The following KLF17 variants were observed in gnomAD, a reference collection of about 807,000 sequenced individuals.
KLF17 encodes the protein KLF transcription factor 17.
Under a neutral mutation model 34.2 loss-of-function variants are expected in KLF17, and 31 were observed. That is an observed-to-expected ratio of 0.91 (90% CI 0.68 to 1.22). The LOEUF (loss-of-function observed/expected upper bound fraction) is 1.22, where lower values mean the gene tolerates loss of function less well. Ranked by LOEUF, KLF17 falls within the 50% of genes most tolerant of loss-of-function variation. The pLI, the probability that KLF17 is intolerant of heterozygous loss-of-function variation, is 0.00. For missense variants in KLF17, 478 were observed against 505.2 expected, an observed-to-expected ratio of 0.95 and a Z score of 0.52; for synonymous variants, 179 against 186.7, an observed-to-expected ratio of 0.96 and a Z score of 0.34.
intron 3 of KLF17, among the ~76,000 whole-genome samples, chr1:44,131,115 A>T (rs2088104734): frequency 6.6e-6 from 1 of 152,174 alleles, no homozygotes. Context: ...TTTTCTACAC[A>T]GATCCTACCT....
the KLF17 span, chr1:44,105,330 A>T: frequency 2.6e-5 from 4 of 151,832 alleles, no homozygotes; most frequent in Admixed American, 6.6e-5. Flanking sequence ...GGAATGTTTT[A>T]AAAACATTAA....
the KLF17 span, among the ~76,000 whole-genome samples, chr1:44,060,224 CT>C: frequency 1.2e-4 from 19 of 152,112 alleles, no homozygotes; most frequent in Non-Finnish European, 2.4e-4. Flanking sequence ...AATCCCAGCA[CT>C]TTAGGAGGCC....
Position 44,129,511 on chromosome 1 carries a change from G to T in KLF17, c.240G>T (p.Gln80His), listed in dbSNP as rs6656945. The T allele has an allele frequency of 9.9e-3, 15,977 of 1,612,934 alleles. 1,275 individuals are homozygous for T. In the African/African-American group the frequency reaches 0.18, roughly 18 times the overall value. ...SPLVSVEAPG[Q>H]NVNEGGPQFS... The stretch of plus-strand genomic sequence containing the variant: ...TGGTGTCTGTTGAGGCGCCGGGGCA[G>T]AATGTGAATGAAGGGGGGCCACAGT... The change falls in exon 2 of 4, where the codon CAG becomes CAT. Residue 80 changes from glutamine (Q) to histidine (H), a missense_variant. Coordinates refer to ENST00000372299, the MANE Select transcript of KLF17 (RefSeq NM_173484.4).
chr1:44,105,587 C>T, the KLF17 span: 1 of 152,158 alleles, frequency 6.6e-6, no homozygotes, highest in Non-Finnish European at 1.5e-5. Flanking sequence ...TTTCCTTTAT[C>T]ATCTTATTTT....
chr1:44,052,385 C>T, the KLF17 span, among the ~76,000 whole-genome samples: 1 of 152,216 alleles, frequency 6.6e-6, no homozygotes, highest in Admixed American at 6.5e-5. Flanking sequence ...TGGACAGCCA[C>T]CAACAGCAGT....
the KLF17 span, chr1:44,106,566 G>A: frequency 1.3e-5 from 2 of 152,152 alleles, no homozygotes; most frequent in Non-Finnish European, 2.9e-5. Context: ...TCTCCATATA[G>A]AAATTCTTCC....
the KLF17 span, among the ~76,000 whole-genome samples, chr1:44,050,286 A>G: frequency 6.6e-6 from 1 of 152,198 alleles, no homozygotes; most frequent in African/African-American, 2.4e-5. Context: ...AGGAGGCAGG[A>G]CTTGGACTCC....
intron 1 of KLF17, among the ~76,000 whole-genome samples, chr1:44,127,788 C>T (rs1435652453): frequency 1.6e-5 from 2 of 124,244 alleles, no homozygotes; most frequent in Non-Finnish European, 1.8e-5. Flanking sequence ...CTTCTCTTTT[C>T]TTTCTTTTCT....
At chr1:44,107,324 C>T in the KLF17 span, 3 of 152,068 alleles carry the variant, frequency 2.0e-5, no homozygotes, top group African/African-American at 4.8e-5. Flanking sequence ...AGGCTGGTCT[C>T]GAACTCCTGA....
the KLF17 span, chr1:44,061,025 C>G: frequency 1.3e-5 from 2 of 152,360 alleles, no homozygotes; most frequent in African/African-American, 4.8e-5. Flanking sequence ...CAAGCTTCAC[C>G]TGGCTTTTAC....
chr1:44,130,786 C>CT lies in KLF17; in HGVS notation c.*35dup, dbSNP rs759205608. 1.9e-6 allele frequency: 3 copies of CT among 1,606,806 alleles called. No homozygotes were observed. The East Asian group carries it at 6.7e-5, about 36-fold the overall frequency. ...GTCTCCTCTCCTCATTCTGGGTTTT[C>CT]TTTTTCCTTTTTTCCTTTTTATTTT... On this transcript the variant is annotated intron_variant, in intron 3 of 3. Transcript: ENST00000372299.
At chr1:44,065,177 A>T in the KLF17 span, among the ~76,000 whole-genome samples, 3 of 151,714 alleles carry the variant, frequency 2.0e-5, no homozygotes, top group Non-Finnish European at 4.4e-5. Flanking sequence ...AATCTCAGCT[A>T]CTCGGGAAGC....
chr1:44,132,416 C>A (rs2088122438), intron 3 of KLF17, among the ~76,000 whole-genome samples: 1 of 152,168 alleles, frequency 6.6e-6, no homozygotes, highest in Non-Finnish European at 1.5e-5. Context: ...CACCAACTCT[C>A]CAAAACAGTA....
At chr1:44,118,185 A>G (rs1306670830), upstream of KLF17, among the ~76,000 whole-genome samples, 1 of 152,214 alleles carries the variant, frequency 6.6e-6, no homozygotes, top group Non-Finnish European at 1.5e-5. Context: ...ATAATAGTTA[A>G]CAACTTTATT....
At chr1:44,054,915 G>C in the KLF17 span, among the ~76,000 whole-genome samples, 2 of 151,112 alleles carry the variant, frequency 1.3e-5, no homozygotes, top group African/African-American at 4.9e-5. Context: ...AAGTAGCTGG[G>C]ACTACAGGTG....
intron 3 of KLF17, among the ~76,000 whole-genome samples, chr1:44,131,826 C>G (rs1485486149): frequency 6.6e-6 from 1 of 152,156 alleles, no homozygotes. Flanking sequence ...TCCTGAATAG[C>G]TGGGATTACA....
chr1:44,120,452 C>G (rs1557728841), intron 1 of KLF17, among the ~76,000 whole-genome samples: 2 of 152,110 alleles, frequency 1.3e-5, no homozygotes, highest in Admixed American at 6.6e-5. Context: ...TGTGGCCATG[C>G]GTGTTAGAGA....
chr1:44,096,377 T>C, the KLF17 span, among the ~76,000 whole-genome samples: 1 of 150,980 alleles, frequency 6.6e-6, no homozygotes, highest in Non-Finnish European at 1.5e-5. Flanking sequence ...AGTACTACAT[T>C]GTTTTTTATT....
intron 1 of KLF17, among the ~76,000 whole-genome samples, chr1:44,128,122 C>T (rs1286377502): frequency 1.3e-5 from 2 of 152,260 alleles, no homozygotes; most frequent in East Asian, 3.9e-4. Flanking sequence ...ACTCTGTCAG[C>T]ACAGGCTGGA....
Sources: gnomAD v4.1 joint callset for allele counts (sites outside exome capture counted in the v4.1 genomes callset) on GRCh38, gnomAD v4.1.1 for gene constraint, MANE v1.5 for transcripts, NCBI Gene and HGNC (gene_info 2026-07-23, HGNC 2026-07-21) for gene names.